The following SPIDR variants were observed in gnomAD, a reference collection of about 807,000 sequenced individuals.
SPIDR encodes DNA repair-scaffolding protein.
A neutral mutation model predicts 104.6 loss-of-function variants in SPIDR; 93 were observed. The observed-to-expected ratio is 0.89, with a 90% CI of 0.75 to 1.06. The LOEUF (loss-of-function observed/expected upper bound fraction) is 1.06. Ranked by LOEUF, SPIDR falls within the 50% of genes least tolerant of loss-of-function variation. SPIDR has a pLI of 0.00. For missense variants in SPIDR, 1,154 were observed against 1,111.2 expected, an observed-to-expected ratio of 1.04 and a Z score of -0.55; for synonymous variants, 431 against 416.9, an observed-to-expected ratio of 1.03 and a Z score of -0.41.
At chr8:47,665,997 CTTAT>C (rs1209484964) in intron 10 of SPIDR, among the ~76,000 whole-genome samples, 2 of 152,160 alleles carry the variant, frequency 1.3e-5, no homozygotes, top group African/African-American at 2.4e-5. Flanking sequence ...GAAATAACCT[CTTAT>C]TTATTTATGC....
intron 8 of SPIDR, among the ~76,000 whole-genome samples, chr8:47,482,253 CA>C (rs781825167): frequency 6.6e-6 from 1 of 152,064 alleles, no homozygotes; most frequent in Non-Finnish European, 1.5e-5. Context: ...TACATCTTTC[CA>C]TTTCTGACCT....
chr8:47,529,416 A>T (rs1564240455), intron 8 of SPIDR, among the ~76,000 whole-genome samples: 1 of 152,116 alleles, frequency 6.6e-6, no homozygotes, highest in African/African-American at 2.4e-5. Flanking sequence ...TCCATCTCAA[A>T]AAATAAATAA....
intron 10 of SPIDR, among the ~76,000 whole-genome samples, chr8:47,650,794 G>GAATA: frequency 6.6e-6 from 1 of 152,082 alleles, no homozygotes; most frequent in Middle Eastern, 3.4e-3. Context: ...CAAGAAATAA[G>GAATA]GCCAAATACT....
chr8:47,504,228 G>T (rs1372408595), intron 8 of SPIDR, among the ~76,000 whole-genome samples: 1 of 152,200 alleles, frequency 6.6e-6, no homozygotes, highest in East Asian at 1.9e-4. Flanking sequence ...CCTGCAGAGT[G>T]TTTTCCAGCT....
intron 8 of SPIDR, among the ~76,000 whole-genome samples, chr8:47,464,720 C>A (rs373248535): frequency 3.0e-4 from 45 of 152,168 alleles, no homozygotes; most frequent in African/African-American, 1.1e-3. Flanking sequence ...CCCATCCCAT[C>A]CCGTCCTTGC....
At chr8:47,453,990 AG>A (rs1405833496) in intron 8 of SPIDR, among the ~76,000 whole-genome samples, 1 of 152,090 alleles carries the variant, frequency 6.6e-6, no homozygotes, top group Non-Finnish European at 1.5e-5. Flanking sequence ...CAGGTGCTGG[AG>A]GATGTGGAGA....
At position 47,365,784 on chromosome 8, in the gene SPIDR, AACCT is replaced by A. The variant is rs373738389; in HGVS notation, c.526-30591_526-30588del. 1.0e-3 allele frequency among the ~76,000 whole-genome samples: 153 copies of A among 152,346 alleles called. No individual in the cohort carries two copies. The East Asian group carries it at 0.028, about 27-fold the overall frequency. Reference sequence around the variant, plus strand: ...GCAAGGGTGGATGACCTATTTTATTAACCTCTATTCTAAAGACTTCTTCCAGGCA... The same window carrying A: ...GCAAGGGTGGATGACCTATTTTATTACTATTCTAAAGACTTCTTCCAGGCA... On this transcript the variant is annotated intron_variant, in intron 5 of 19. Coordinates refer to ENST00000297423, the MANE Select transcript of SPIDR (RefSeq NM_001080394.4).
chr8:47,353,708 AT>A (rs10712418), intron 5 of SPIDR, among the ~76,000 whole-genome samples: 100,902 of 145,432 alleles, frequency 0.69, 34,643 homozygotes, highest in Admixed American at 0.78. Flanking sequence ...CTATACTGAG[AT>A]TTTTTTTTTT....
intron 5 of SPIDR, among the ~76,000 whole-genome samples, chr8:47,308,155 G>C (rs1445980984): frequency 2.0e-5 from 3 of 151,318 alleles, no homozygotes; most frequent in Non-Finnish European, 4.4e-5. Flanking sequence ...TCTACCTCCT[G>C]GGTTCAGCCG....
intron 10 of SPIDR, among the ~76,000 whole-genome samples, chr8:47,610,649 G>T (rs1588359583): frequency 6.6e-6 from 1 of 152,268 alleles, no homozygotes; most frequent in East Asian, 1.9e-4. Context: ...GTTCTCAATG[G>T]CTTGAGCCAG....
At chr8:47,308,939 C>T (rs1334641438) in intron 5 of SPIDR, among the ~76,000 whole-genome samples, 1 of 152,162 alleles carries the variant, frequency 6.6e-6, no homozygotes, top group Non-Finnish European at 1.5e-5. Flanking sequence ...CAGGCCTTCC[C>T]CTGGACATTA....
intron 8 of SPIDR, among the ~76,000 whole-genome samples, chr8:47,540,537 GC>G (rs1435461052): frequency 2.6e-5 from 4 of 152,128 alleles, no homozygotes; most frequent in African/African-American, 4.8e-5. Flanking sequence ...CCTGTGGCCA[GC>G]CTACCAAGGC....
chr8:47,687,884 G>T (rs948005620), intron 11 of SPIDR, among the ~76,000 whole-genome samples: 1 of 152,124 alleles, frequency 6.6e-6, no homozygotes, highest in Non-Finnish European at 1.5e-5. Flanking sequence ...GCAACATAGT[G>T]AGGCCTTATC....
chr8:47,735,425 C>T lies in SPIDR; in HGVS notation c.2723C>T (p.Ala908Val), dbSNP rs1050824998. The T allele has an allele frequency of 2.5e-6, 4 of 1,614,166 alleles. No homozygotes were observed. Among genetic ancestry groups the T allele is most frequent in the Non-Finnish European group, 2.5e-6 (3 of 1,180,036 alleles). The change falls in exon 20 of 20, where the codon GCA becomes GTA. Residue 908 changes from alanine to valine, a missense_variant. By Grantham distance (64) the Ala-to-Val change is moderately conservative. Transcript: ENST00000297423. ...IGLEEIELLS[A>V]GGASAEH ...TTGGAGGAAATCGAGCTTCTGAGTGCAGGAGGGGCCTCTGCAGAACACTAG... is the reference window on the plus strand; with the variant it reads ...TTGGAGGAAATCGAGCTTCTGAGTGTAGGAGGGGCCTCTGCAGAACACTAG...
At position 47,595,248 on chromosome 8, in the gene SPIDR, G is replaced by A. The variant is rs1284964464; in HGVS notation, c.1098-563G>A. Among the ~76,000 whole-genome samples, 4 of 152,292 alleles carry A rather than the reference G, an allele frequency of 2.6e-5. No homozygotes were observed. The East Asian group carries it at 7.7e-4, about 29-fold the overall frequency. On this transcript the variant is annotated intron_variant, in intron 8 of 19. Coordinates refer to ENST00000297423, the MANE Select transcript of SPIDR (RefSeq NM_001080394.4). The stretch of plus-strand genomic sequence containing the variant: ...AATATTAAGCAGCGCCATGTTTTAA[G>A]GAATAGGCATTAAAGTGTTTTCTCT...
chr8:47,661,966 C>G (rs2074186866), intron 10 of SPIDR, among the ~76,000 whole-genome samples: 2 of 152,160 alleles, frequency 1.3e-5, no homozygotes, highest in Admixed American at 1.3e-4. Context: ...CACTTGCATC[C>G]TGCCTCGAGT....
Position 47,735,379 on chromosome 8 carries a change from C to T in SPIDR, c.2677C>T (p.His893Tyr). 2 of 1,613,936 alleles carry T rather than the reference C, an allele frequency of 1.2e-6. No individual in the cohort carries two copies. Among genetic ancestry groups the T allele is most frequent in the Non-Finnish European group, 1.7e-6 (2 of 1,179,924 alleles). ...TTGTTTTGTCCAGTCCGTAACCGCC[C>T]ACCCGACCAGCTGCATTGGATTGGA... ...LNCFVQSVTA[H>Y]PTSCIGLEEI... is the part of the protein sequence containing the mutation. Residue 893 changes from histidine to tyrosine, a missense_variant, in exon 20 of 20, where the codon CAC (histidine) becomes TAC (tyrosine). Transcript: ENST00000297423.
chr8:47,701,861 C>T lies in SPIDR; in HGVS notation c.1914C>T (p.Leu638=). The change falls in exon 13 of 20, where the codon CTC becomes CTT. Residue 638 remains leucine, a synonymous_variant. Coordinates refer to ENST00000297423, the MANE Select transcript of SPIDR (RefSeq NM_001080394.4). ...PPVTRCLRDI[L]QMNDLGTRCS... Reference sequence around the variant, plus strand: ...TTACCCGCTGCTTAAGAGACATTCTCCAGGTAATGTCTTTGTTTCTAACAG... The same window carrying T: ...TTACCCGCTGCTTAAGAGACATTCTTCAGGTAATGTCTTTGTTTCTAACAG... The T allele has an allele frequency of 6.2e-7, 1 of 1,614,146 alleles. No homozygotes were observed. Among genetic ancestry groups the T allele is most frequent in the Non-Finnish European group, 8.5e-7 (1 of 1,180,046 alleles).
At chr8:47,347,638 T>G (rs1194724132) in intron 5 of SPIDR, among the ~76,000 whole-genome samples, 5 of 152,190 alleles carry the variant, frequency 3.3e-5, no homozygotes, top group African/African-American at 9.6e-5. Context: ...GGGTGCTTCT[T>G]TATTGGGTGC....
Sources: allele counts gnomAD v4.1 joint callset (sites outside exome capture counted in the v4.1 genomes callset), GRCh38; gene constraint gnomAD v4.1.1; transcripts MANE v1.5; gene names NCBI Gene and HGNC (gene_info 2026-07-23, HGNC 2026-07-21).